LSM6: variants seen among roughly 807,000 people sequenced by gnomAD.
LSM6 encodes the protein LSM6 homolog, U6 small nuclear RNA and mRNA degradation associated.
In LSM6, 2 loss-of-function variants were observed where a neutral mutation model predicts 13.5. That is an observed-to-expected ratio of 0.15 (90% CI 0.06 to 0.47). LSM6 has a LOEUF of 0.47. LSM6 is among the 20% of genes least tolerant of loss of function. LSM6 has a pLI of 0.97. For synonymous variants in LSM6, 43 were observed against 34.9 expected (o/e 1.23, Z -0.82); for missense variants, 58 against 96.4 (o/e 0.60, Z 1.67).
At chr4:146,182,841 C>T in intron 1 of LSM6, 71 bp from the exon 2 acceptor site, 2 of 886,486 alleles carry the variant, frequency 2.3e-6, no homozygotes, top group South Asian at 1.3e-5. Flanking sequence ...ATGTTAAGGG[C>T]TTTAAGGGTT....
At position 146,190,087 on chromosome 4, in the gene LSM6, T is replaced by TG. The variant is rs1250497574; in HGVS notation, c.*432dup. 1 of 156,448 alleles carries TG rather than the reference T, an allele frequency of 6.4e-6. No individual in the cohort carries two copies. Among genetic ancestry groups the TG allele is most frequent in the Non-Finnish European group, 1.4e-5 (1 of 71,298 alleles). 9.7% of individuals were successfully genotyped at this position (156,448 alleles called of 1,614,324 possible). A position where few individuals can be genotyped will look rare whatever the true frequency, so the allele number is the denominator to read the frequency against. The stretch of plus-strand genomic sequence containing the variant: ...TCCTTTTCTGTTCATACAGAATCCT[T>TG]GCGTGAATATGTTCTACAAAGGCAT... On this transcript the variant is annotated 3_prime_UTR_variant, in exon 4 of 4. Transcript: ENST00000296581.
chr4:146,190,741 A>T lies in LSM6; in HGVS notation c.*1085A>T, dbSNP rs2110895171. On this transcript the variant is annotated 3_prime_UTR_variant, in exon 4 of 4. Coordinates refer to ENST00000296581, the MANE Select transcript of LSM6 (RefSeq NM_007080.3). ...AAACAGTTTTACGCTGTCTCTAGGA[A>T]CAACAAATATATCTGGGCACTGTGG... 6.6e-6 allele frequency: 1 copy of T among 152,380 alleles called. No homozygotes were observed. Among genetic ancestry groups the T allele is most frequent in the South Asian group, 2.1e-4 (1 of 4,830 alleles). The allele number at this position is 152,380 out of a possible 1,614,324, so 9.4% of individuals were successfully genotyped here.
chr4:146,180,994 G>A (rs767205180), intron 1 of LSM6: 4 of 152,194 alleles, frequency 2.6e-5, no homozygotes, highest in Non-Finnish European at 5.9e-5. Context: ...TCAGAACAGT[G>A]TAAATAAAAT....
chr4:146,185,759 C>A (rs1228802976), intron 2 of LSM6, among the ~76,000 whole-genome samples: 2 of 150,384 alleles, frequency 1.3e-5, no homozygotes, highest in Non-Finnish European at 3.0e-5. Context: ...TTTTTTGAGA[C>A]CGAGTCTCAC....
intron 1 of LSM6, 74 bp from the exon 2 acceptor site, chr4:146,182,838 G>C: frequency 1.2e-6 from 1 of 850,812 alleles, no homozygotes; most frequent in South Asian, 1.4e-5. Context: ...AGTATGTTAA[G>C]GGCTTTAAGG....
chr4:146,180,096 G>T (rs1403226465), intron 1 of LSM6, among the ~76,000 whole-genome samples: 1 of 152,206 alleles, frequency 6.6e-6, no homozygotes, highest in Non-Finnish European at 1.5e-5. Flanking sequence ...CTTTCAGCTA[G>T]GGGGTGACGC....
intron 1 of LSM6, chr4:146,181,375 A>G (rs1730227054): frequency 6.6e-6 from 1 of 152,196 alleles, no homozygotes; most frequent in Non-Finnish European, 1.5e-5. Context: ...TCTAGATTTT[A>G]AGTTCTTTAA....
chr4:146,183,097 T>C (rs2110884614), intron 2 of LSM6, 82 bp downstream of exon 2: 1 of 1,015,074 alleles, frequency 9.9e-7, no homozygotes, highest in African/African-American at 1.6e-5. Context: ...CTCTTAAGTA[T>C]ACCCAATAGG....
Position 146,189,838 on chromosome 4 carries a change from G to A in LSM6, c.*182G>A. On this transcript the variant is annotated 3_prime_UTR_variant, in exon 4 of 4. Coordinates refer to ENST00000296581, the MANE Select transcript of LSM6 (RefSeq NM_007080.3). ...TTAATTGTGAAATGTTCTTTCACTT[G>A]TAAGTTTCAGTCATTTTCTTTTACC... The A allele has an allele frequency of 1.9e-6, 1 of 526,774 alleles. No individual in the cohort carries two copies. Among genetic ancestry groups the A allele is most frequent in the East Asian group, 3.3e-5 (1 of 30,614 alleles). 32.6% of individuals were successfully genotyped at this position (526,774 alleles called of 1,614,324 possible).
chr4:146,182,985 G>A lies in LSM6; in HGVS notation c.64G>A (p.Val22Ile), dbSNP rs1490782799. 3 of 1,613,346 alleles carry A rather than the reference G, an allele frequency of 1.9e-6. No homozygotes were observed. The highest frequency in any genetic ancestry group is 2.5e-6 in the Non-Finnish European group (3 of 1,179,390). ...GCAAATCATCGGACGACCAGTTGTG[G>A]TAAAATTAAATTCTGGAGTGGATTA... The part of the protein sequence containing the change: ...LKQIIGRPVV[V>I]KLNSGVDYRG... The change falls in exon 2 of 4, where the codon GTA becomes ATA. Residue 22 changes from valine (V) to isoleucine (I), a missense_variant. By Grantham distance (29) the Val-to-Ile change is conservative. Transcript: ENST00000296581.
chr4:146,189,000 T>C (rs1173237047), intron 3 of LSM6, among the ~76,000 whole-genome samples: 1 of 150,848 alleles, frequency 6.6e-6, no homozygotes, highest in Non-Finnish European at 1.5e-5. Flanking sequence ...TTTTTTTTTT[T>C]TTTTCCTGAG....
At chr4:146,177,770 C>G (rs1292068905) in intron 1 of LSM6, among the ~76,000 whole-genome samples, 2 of 152,104 alleles carry the variant, frequency 1.3e-5, no homozygotes, top group South Asian at 2.1e-4. Context: ...CATCCCTGGT[C>G]TCTACCCACT....
In LSM6 at chr4:146,181,926, G is replaced by A. The variant is rs114282016; in HGVS notation, c.-10-986G>A. On this transcript the variant is annotated intron_variant, in intron 1 of 3. Transcript: ENST00000296581. The stretch of plus-strand genomic sequence containing the variant: ...TGCATGTCTGATGCTGTTGATTTGG[G>A]TGTGTAATGCTATCTCTTTTTCTGT... 8.4e-3 allele frequency among the ~76,000 whole-genome samples: 1,275 copies of A among 152,260 alleles called. 21 individuals carry two copies. Among genetic ancestry groups the A allele is most frequent in the African/African-American group, 0.029 (1,211 of 41,562 alleles).
intron 1 of LSM6, among the ~76,000 whole-genome samples, chr4:146,177,225 T>C (rs984130571): frequency 1.3e-5 from 2 of 152,224 alleles, no homozygotes; most frequent in Non-Finnish European, 2.9e-5. Flanking sequence ...AGAACTCAGG[T>C]TTCCTGCCTC....
chr4:146,182,996 T>G lies in LSM6; in HGVS notation c.75T>G (p.Asn25Lys). 1 of 1,611,708 alleles carries G rather than the reference T, an allele frequency of 6.2e-7. No homozygotes were observed. Among genetic ancestry groups the G allele is most frequent in the Non-Finnish European group, 8.5e-7 (1 of 1,177,902 alleles). The change falls in exon 2 of 4, where the codon AAT becomes AAG. Residue 25 changes from asparagine (N) to lysine (K), a missense_variant. Asn to Lys is a moderately conservative substitution (Grantham distance 94). Coordinates refer to ENST00000296581, the MANE Select transcript of LSM6 (RefSeq NM_007080.3). Reference protein sequence around the residue: ...IIGRPVVVKLNSGVDYRGVLA... With the variant: ...IIGRPVVVKLKSGVDYRGVLA... ...GACGACCAGTTGTGGTAAAATTAAA[T>G]TCTGGAGTGGATTATCGAGGTAATA...
chr4:146,187,072 C>T (rs983975001), intron 2 of LSM6, among the ~76,000 whole-genome samples: 3 of 152,168 alleles, frequency 2.0e-5, no homozygotes, highest in East Asian at 1.9e-4. Context: ...GTAGTGGGTG[C>T]GTGACTGCCT....
intron 2 of LSM6, among the ~76,000 whole-genome samples, chr4:146,185,013 C>G (rs1730314782): frequency 1.3e-5 from 2 of 152,008 alleles, no homozygotes; most frequent in Admixed American, 1.3e-4. Flanking sequence ...ATAGGAATCT[C>G]TTGTGTGGCT....
rs1320958613 is a variant in LSM6 at position 146,183,100 on chromosome 4, C to G, written c.94+85C>G. Reference sequence around the variant, plus strand: ...ATATTTATTAACCTCTTAAGTATACCCAATAGGCCAAAAAAGTACTGGTCA... The same window carrying G: ...ATATTTATTAACCTCTTAAGTATACGCAATAGGCCAAAAAAGTACTGGTCA... On this transcript the variant is annotated intron_variant, in intron 2 of 3. Transcript: ENST00000296581. 4.4e-6 allele frequency: 4 copies of G among 917,296 alleles called. No individual in the cohort carries two copies. The East Asian group carries it at 1.0e-4, about 23-fold the overall frequency. 56.8% of individuals were successfully genotyped at this position (917,296 alleles called of 1,614,324 possible).
chr4:146,181,347 T>C (rs1465741371), intron 1 of LSM6: 2 of 152,248 alleles, frequency 1.3e-5, no homozygotes, highest in African/African-American at 4.8e-5. Flanking sequence ...TCACACTCTT[T>C]AAATGAGTTT....
Sources: gnomAD v4.1 joint callset for allele counts (sites outside exome capture counted in the v4.1 genomes callset) on GRCh38, gnomAD v4.1.1 for gene constraint, MANE v1.5 for transcripts, NCBI Gene and HGNC (gene_info 2026-07-23, HGNC 2026-07-21) for gene names.